SRGAP2C: variants seen among roughly 807,000 people sequenced by gnomAD.
SRGAP2C encodes the protein SLIT-ROBO Rho GTPase-activating protein 2C.
SRGAP2C carries 15 observed loss-of-function variants against 25.1 expected under a neutral mutation model. The observed-to-expected ratio is 0.60, with a 90% confidence interval of 0.40 to 0.92. SRGAP2C has a LOEUF of 0.92. Ranked by LOEUF, SRGAP2C falls within the 40% of genes least tolerant of loss-of-function variation. The pLI, the probability that SRGAP2C is intolerant of heterozygous loss-of-function variation, is 0.00. For synonymous variants in SRGAP2C, 44 were observed against 96.6 expected (o/e 0.46, Z 3.19); for missense variants, 144 against 264.4 (o/e 0.54, Z 3.16).
chr1:121,236,202 C>T (rs1448179378), intron 2 of SRGAP2C, among the ~76,000 whole-genome samples: 1 of 151,958 alleles, frequency 6.6e-6, no homozygotes, highest in African/African-American at 2.4e-5. Context: ...TTTTGTGAAC[C>T]TCCTTTCCTG....
At chr1:121,231,012 A>G (rs1450984556) in intron 2 of SRGAP2C, among the ~76,000 whole-genome samples, 1 of 130,480 alleles carries the variant, frequency 7.7e-6, no homozygotes, top group Non-Finnish European at 1.6e-5. Context: ...AGTGGGGGGA[A>G]CATCACACAC....
chr1:121,305,250 TC>T (rs1657804009), intron 3 of SRGAP2C, among the ~76,000 whole-genome samples: 2 of 151,456 alleles, frequency 1.3e-5, no homozygotes, highest in African/African-American at 4.9e-5. Flanking sequence ...GCCATGATTG[TC>T]TGTACTGTTT....
chr1:121,187,950 T>C (rs1654563396), intron 2 of SRGAP2C, among the ~76,000 whole-genome samples: 1 of 152,060 alleles, frequency 6.6e-6, no homozygotes. Context: ...AGGTGTACCA[T>C]TTGGAGAGCC....
In SRGAP2C at chr1:121,391,047, A is replaced by G; in HGVS notation, c.*3192A>G. The G allele has an allele frequency of 7.2e-6, 1 of 138,350 alleles. No individual in the cohort carries two copies. The highest frequency in any genetic ancestry group is 1.6e-5 in the Non-Finnish European group (1 of 63,852). 8.6% of individuals were successfully genotyped at this position (138,350 alleles called of 1,614,324 possible). On this transcript the variant is annotated 3_prime_UTR_variant, in exon 10 of 10. Transcript: ENST00000367123. Reference sequence around the variant, plus strand: ...CAGAGTAAGACTCTGCCTAAAAAAAAAAAAAGAAAGATTAAAAAATAAATA... The same window carrying G: ...CAGAGTAAGACTCTGCCTAAAAAAAGAAAAAGAAAGATTAAAAAATAAATA...
chr1:121,232,691 C>T (rs367561189), intron 2 of SRGAP2C, among the ~76,000 whole-genome samples: 9 of 152,176 alleles, frequency 5.9e-5, no homozygotes, highest in African/African-American at 2.2e-4. Flanking sequence ...GCATCTGAAA[C>T]GTACTCTGAG....
chr1:121,294,507 G>C (rs1553338086), intron 3 of SRGAP2C, among the ~76,000 whole-genome samples: 1 of 138,480 alleles, frequency 7.2e-6, no homozygotes, highest in Non-Finnish European at 1.6e-5. Context: ...ATTCCTATTT[G>C]TTGCTGAGCC....
chr1:121,355,205 A>G (rs1553347296), intron 4 of SRGAP2C, among the ~76,000 whole-genome samples: 1 of 149,136 alleles, frequency 6.7e-6, no homozygotes, highest in East Asian at 2.0e-4. Context: ...TCAGTGAATG[A>G]TTAAACAACT....
At chr1:121,368,174 T>C (rs1553350038) in intron 5 of SRGAP2C, among the ~76,000 whole-genome samples, 3 of 106,412 alleles carry the variant, frequency 2.8e-5, no homozygotes, top group Non-Finnish European at 5.7e-5. Flanking sequence ...GAGGCTGAGG[T>C]GGGCGGATCA....
intron 2 of SRGAP2C, among the ~76,000 whole-genome samples, chr1:121,273,733 A>G (rs1468618417): frequency 2.0e-5 from 3 of 151,870 alleles, no homozygotes; most frequent in African/African-American, 7.2e-5. Flanking sequence ...TTCATTCTTC[A>G]ATTTCTATCT....
chr1:121,335,460 A>ATT (rs1162681731), intron 4 of SRGAP2C, among the ~76,000 whole-genome samples: 108 of 95,040 alleles, frequency 1.1e-3, no homozygotes, highest in African/African-American at 3.4e-3. Context: ...TTTATTTCAG[A>ATT]TTTTTTTTTT....
intron 2 of SRGAP2C, among the ~76,000 whole-genome samples, chr1:121,228,610 T>G (rs1240577945): frequency 1.3e-5 from 2 of 151,038 alleles, no homozygotes; most frequent in Non-Finnish European, 2.9e-5. Context: ...GATCTTGACT[T>G]GCCCAGGGGT....
At chr1:121,238,489 G>A (rs1656011652) in intron 2 of SRGAP2C, among the ~76,000 whole-genome samples, 1 of 152,138 alleles carries the variant, frequency 6.6e-6, no homozygotes, top group Admixed American at 6.5e-5. Context: ...TACTGCGAGA[G>A]TGTGGGAAGG....
At chr1:121,271,388 G>T (rs1406978209) in intron 2 of SRGAP2C, among the ~76,000 whole-genome samples, 1 of 149,606 alleles carries the variant, frequency 6.7e-6, no homozygotes, top group Non-Finnish European at 1.5e-5. Context: ...AGTGCCCACT[G>T]GTTCCTGGGT....
chr1:121,289,462 G>A (rs1362030716), intron 3 of SRGAP2C, among the ~76,000 whole-genome samples: 1 of 150,456 alleles, frequency 6.6e-6, no homozygotes, highest in African/African-American at 2.4e-5. Context: ...GCCGCACGCA[G>A]CCCCGGTTCC....
At chr1:121,370,763 G>A (rs1289348019) in intron 5 of SRGAP2C, among the ~76,000 whole-genome samples, 4 of 150,360 alleles carry the variant, frequency 2.7e-5, no homozygotes, top group Non-Finnish European at 5.9e-5. Flanking sequence ...ACTTTCAATA[G>A]CTTATTTTGT....
At chr1:121,384,657 T>TA (rs1553355976) in intron 8 of SRGAP2C, among the ~76,000 whole-genome samples, 1 of 124,596 alleles carries the variant, frequency 8.0e-6, no homozygotes, top group East Asian at 2.8e-4. Context: ...TTTCTGGTGT[T>TA]AGTGACTGAG....
intron 2 of SRGAP2C, among the ~76,000 whole-genome samples, chr1:121,206,255 G>C (rs587702898): frequency 3.9e-4 from 60 of 152,196 alleles, no homozygotes; most frequent in Middle Eastern, 3.4e-3. Flanking sequence ...AGTTCTTTGA[G>C]GGTGGACAGT....
intron 2 of SRGAP2C, among the ~76,000 whole-genome samples, chr1:121,280,269 T>TA (rs1189474630): frequency 2.7e-5 from 4 of 150,240 alleles, no homozygotes; most frequent in South Asian, 2.1e-4. Flanking sequence ...GTGTCATTTT[T>TA]AAAAAAACAT....
chr1:121,355,167 C>T (rs1553347289), intron 4 of SRGAP2C, among the ~76,000 whole-genome samples: 2 of 145,816 alleles, frequency 1.4e-5, no homozygotes, highest in African/African-American at 5.1e-5. Context: ...TAAATCATCA[C>T]CCCAATGAGA....
Sources: gnomAD v4.1 joint callset for allele counts (sites outside exome capture counted in the v4.1 genomes callset) on GRCh38, gnomAD v4.1.1 for gene constraint, MANE v1.5 for transcripts, NCBI Gene and HGNC (gene_info 2026-07-23, HGNC 2026-07-21) for gene names.